KCNN2: variants seen among roughly 807,000 people sequenced by gnomAD.
KCNN2 encodes small conductance calcium-activated potassium channel protein 2.
Under a neutral mutation model 55.5 loss-of-function variants are expected in KCNN2, and 24 were observed. The observed-to-expected ratio is 0.43, with a 90% CI of 0.31 to 0.61. The LOEUF is 0.61. Among genes scored for constraint, KCNN2 ranks in the 20% least tolerant of loss-of-function variants. The probability of loss-of-function intolerance (pLI) is 0.08; values close to 1 mark genes in which losing one functional copy is unlikely to be tolerated. For missense variants in KCNN2, 754 were observed against 853.6 expected (o/e 0.88, Z 1.45); for synonymous variants, 431 against 336.1 (o/e 1.28, Z -3.09).
chr5:114,094,386 A>G (rs1379742658), intron 1 of KCNN2, among the ~76,000 whole-genome samples: 4 of 152,158 alleles, frequency 2.6e-5, no homozygotes, highest in African/African-American at 7.2e-5. Flanking sequence ...AGCTTATACC[A>G]TTGCAGAATC....
At chr5:114,151,770 T>A (rs899890634) in intron 1 of KCNN2, among the ~76,000 whole-genome samples, 3 of 152,278 alleles carry the variant, frequency 2.0e-5, no homozygotes, top group Non-Finnish European at 4.4e-5. Flanking sequence ...GTTATCCTGA[T>A]GTTTGACTTT....
chr5:114,374,405 T>C (rs970805883), intron 2 of KCNN2, among the ~76,000 whole-genome samples: 1 of 152,170 alleles, frequency 6.6e-6, no homozygotes, highest in African/African-American at 2.4e-5. Flanking sequence ...TCTTTGTAGG[T>C]CTACAGGATA....
At chr5:114,435,605 G>A (rs1263995538) in intron 3 of KCNN2, among the ~76,000 whole-genome samples, 8 of 151,160 alleles carry the variant, frequency 5.3e-5, no homozygotes, top group Admixed American at 5.3e-4. Context: ...CACAGAATTT[G>A]CTTTATTTTT....
intron 1 of KCNN2, among the ~76,000 whole-genome samples, chr5:114,102,591 T>A (rs1751394723): frequency 6.6e-6 from 1 of 152,342 alleles, no homozygotes; most frequent in South Asian, 2.1e-4. Flanking sequence ...AAATCTTTAA[T>A]CCACTGTGAG....
At chr5:114,412,642 A>G (rs909633261) in intron 3 of KCNN2, among the ~76,000 whole-genome samples, 1 of 152,146 alleles carries the variant, frequency 6.6e-6, no homozygotes, top group Non-Finnish European at 1.5e-5. Context: ...GTGCTAGCTC[A>G]TTTTCCTGGT....
rs543940974 is a variant in KCNN2, at chr5:114,241,521, C to G, written c.-185+19956C>G. Among the ~76,000 whole-genome samples the G allele has an allele frequency of 5.2e-3, 790 of 151,144 alleles. 8 individuals carry two copies. The highest frequency in any genetic ancestry group is 0.018 in the African/African-American group (753 of 41,266). On this transcript the variant is annotated intron_variant, in intron 2 of 10. Coordinates refer to the KCNN2 transcript ENST00000512097. The stretch of plus-strand genomic sequence containing the variant: ...TATTAATACGTATAGGAAGTTACTA[C>G]ATGGTAAGGATAAAATTTAATTCAC...
intron 1 of KCNN2, among the ~76,000 whole-genome samples, chr5:114,149,632 AT>A (rs1752474222): frequency 6.6e-6 from 1 of 152,088 alleles, no homozygotes; most frequent in African/African-American, 2.4e-5. Flanking sequence ...TTAACATAAC[AT>A]CTGTATGCAG....
intron 2 of KCNN2, among the ~76,000 whole-genome samples, chr5:114,264,383 T>C (rs1755168024): frequency 6.6e-6 from 1 of 152,264 alleles, no homozygotes; most frequent in Admixed American, 6.5e-5. Context: ...AAAAATCAGG[T>C]AAATTACAGA....
At chr5:114,486,774 A>G (rs2150137053) in intron 5 of KCNN2, 3 of 1,315,494 alleles carry the variant, frequency 2.3e-6, no homozygotes, top group Non-Finnish European at 3.0e-6. Context: ...AAAAAAAAAT[A>G]GTTGAATAAA....
chr5:114,143,195 G>T (rs1156504002), intron 1 of KCNN2, among the ~76,000 whole-genome samples: 1 of 152,274 alleles, frequency 6.6e-6, no homozygotes, highest in African/African-American at 2.4e-5. Context: ...TATGAGGTGA[G>T]ATGGTCACAT....
intron 3 of KCNN2, among the ~76,000 whole-genome samples, chr5:114,444,715 T>C (rs1580843321): frequency 6.6e-6 from 1 of 152,142 alleles, no homozygotes; most frequent in East Asian, 1.9e-4. Context: ...GGAGGACAGC[T>C]GTGTGCTGTG....
chr5:114,290,338 C>T (rs4705657), intron 2 of KCNN2, among the ~76,000 whole-genome samples: 29,272 of 151,862 alleles, frequency 0.19, 2,956 homozygotes, highest in South Asian at 0.24. Context: ...TTGTATATTT[C>T]CATGAATTTA....
intron 2 of KCNN2, among the ~76,000 whole-genome samples, chr5:114,317,592 CCT>C (rs1379349831): frequency 1.3e-5 from 2 of 152,176 alleles, no homozygotes; most frequent in African/African-American, 4.8e-5. Context: ...CCCATTCCCT[CCT>C]CTGTTTTTGG....
intron 1 of KCNN2, among the ~76,000 whole-genome samples, chr5:114,074,214 T>G (rs1440142170): frequency 1.3e-5 from 2 of 152,186 alleles, no homozygotes; most frequent in Admixed American, 6.5e-5. Flanking sequence ...AGAGTAGGTA[T>G]GCTCTACCAA....
At chr5:114,470,554 G>GTAGATGTT (rs1264076624) in intron 4 of KCNN2, among the ~76,000 whole-genome samples, 3 of 152,156 alleles carry the variant, frequency 2.0e-5, no homozygotes, top group Non-Finnish European at 4.4e-5. Context: ...AGACTTCATG[G>GTAGATGTT]TAGATGTTTG....
intron 2 of KCNN2, among the ~76,000 whole-genome samples, chr5:114,305,305 G>A (rs1156753233): frequency 6.6e-6 from 1 of 152,170 alleles, no homozygotes; most frequent in African/African-American, 2.4e-5. Flanking sequence ...TACGATCTCT[G>A]AACAAACAGG....
At chr5:114,307,332 T>C (rs1756302675) in intron 2 of KCNN2, among the ~76,000 whole-genome samples, 1 of 152,184 alleles carries the variant, frequency 6.6e-6, no homozygotes, top group Admixed American at 6.5e-5. Context: ...ACTCCTGGTT[T>C]AAAAGAAATA....
chr5:114,338,407 G>A (rs888544428), intron 2 of KCNN2, among the ~76,000 whole-genome samples: 1 of 152,164 alleles, frequency 6.6e-6, no homozygotes, highest in Non-Finnish European at 1.5e-5. Flanking sequence ...GCAAGCTTGT[G>A]TTCCAAAGGT....
At chr5:114,410,258 C>T (rs1212816319) in intron 3 of KCNN2, among the ~76,000 whole-genome samples, 2 of 152,120 alleles carry the variant, frequency 1.3e-5, no homozygotes, top group African/African-American at 4.8e-5. Context: ...TGAGACTTCT[C>T]TAGTTTTGTA....
Sources: allele counts gnomAD v4.1 joint callset (sites outside exome capture counted in the v4.1 genomes callset), GRCh38; gene constraint gnomAD v4.1.1; transcripts MANE v1.5; gene names NCBI Gene and HGNC (gene_info 2026-07-23, HGNC 2026-07-21).